AKAP13: variants seen among roughly 807,000 people sequenced by gnomAD.
AKAP13 encodes the protein A-kinase anchor protein 13.
Under a neutral mutation model 264.5 loss-of-function variants are expected in AKAP13, and 80 were observed. The observed-to-expected ratio is 0.30, with a 90% CI of 0.25 to 0.36. The LOEUF (loss-of-function observed/expected upper bound fraction) is 0.36, where lower values mean the gene tolerates loss of function less well. Among genes scored for constraint, AKAP13 ranks in the 10% least tolerant of loss-of-function variants. The pLI is 1.00. For missense variants in AKAP13, 3,712 were observed against 3,435.2 expected (o/e 1.08, Z -2.01); for synonymous variants, 1,380 against 1,250.2 (o/e 1.10, Z -2.19).
chr15:85,645,430 TAA>T (rs997356615), intron 9 of AKAP13, among the ~76,000 whole-genome samples: 6 of 152,200 alleles, frequency 3.9e-5, no homozygotes, highest in African/African-American at 1.2e-4. Flanking sequence ...TAGTTGCTAG[TAA>T]AAGACTTTGG....
intron 5 of AKAP13, among the ~76,000 whole-genome samples, chr15:85,547,546 A>T (rs768793766): frequency 1.3e-4 from 9 of 69,782 alleles, no homozygotes; most frequent in Middle Eastern, 5.4e-3. Flanking sequence ...TACTCAGGAC[A>T]TTTTTTTTAC....
intron 8 of AKAP13, among the ~76,000 whole-genome samples, chr15:85,599,281 A>G (rs2079951760): frequency 6.6e-6 from 1 of 152,236 alleles, no homozygotes; most frequent in Non-Finnish European, 1.5e-5. Flanking sequence ...AAGCTGTGAG[A>G]AGAAATATTG....
chr15:85,391,613 C>A lies in AKAP13; in HGVS notation c.-12+10815C>A, dbSNP rs549801066. Among the ~76,000 whole-genome samples the A allele has an allele frequency of 3.3e-5, 5 of 150,530 alleles. No homozygotes were observed. The South Asian group carries it at 1.1e-3, about 32-fold the overall frequency. ...GAGTCTCCCACCTTAGCCTCCCCAGCAGCTGGGACCACCGGTGTGCACCAC... is the reference window on the plus strand; with the variant it reads ...GAGTCTCCCACCTTAGCCTCCCCAGAAGCTGGGACCACCGGTGTGCACCAC... On this transcript the variant is annotated intron_variant, in intron 1 of 36. Coordinates refer to ENST00000394518, the MANE Select transcript of AKAP13 (RefSeq NM_007200.5).
At chr15:85,533,904 A>G (rs1214754694) in intron 4 of AKAP13, 24 bp downstream of exon 4, 27 of 1,534,382 alleles carry the variant, frequency 1.8e-5, no homozygotes, top group Non-Finnish European at 2.2e-5. Flanking sequence ...TGATCTACAA[A>G]CACACTTTAA....
intron 5 of AKAP13, among the ~76,000 whole-genome samples, chr15:85,561,080 A>G (rs911698095): frequency 3.1e-5 from 4 of 129,148 alleles, no homozygotes; most frequent in Non-Finnish European, 6.4e-5. Context: ...TTTTTTTAAG[A>G]CGGAGTTTGA....
At chr15:85,682,024 A>G in intron 14 of AKAP13, 134 bp from the exon 15 acceptor site, 4 of 749,790 alleles carry the variant, frequency 5.3e-6, no homozygotes, top group Non-Finnish European at 9.0e-6. Context: ...AAACCTTTAG[A>G]AGGAGGAGGT....
chr15:85,450,651 G>GT (rs1439759478), intron 1 of AKAP13, among the ~76,000 whole-genome samples: 4 of 152,056 alleles, frequency 2.6e-5, no homozygotes, highest in Non-Finnish European at 5.9e-5. Context: ...TATTTTCCAT[G>GT]TAATTGGATG....
At chr15:85,444,948 C>T (rs768161268) in intron 1 of AKAP13, among the ~76,000 whole-genome samples, 6 of 152,020 alleles carry the variant, frequency 3.9e-5, no homozygotes, top group Admixed American at 3.3e-4. Flanking sequence ...GGAATTAAGG[C>T]GGAAAGAAGT....
At chr15:85,607,168 G>C (rs1174538085) in intron 8 of AKAP13, among the ~76,000 whole-genome samples, 6 of 150,944 alleles carry the variant, frequency 4.0e-5, no homozygotes, top group Non-Finnish European at 7.4e-5. Flanking sequence ...ATACTTAGTA[G>C]TTCCTTTATT....
intron 10 of AKAP13, among the ~76,000 whole-genome samples, chr15:85,649,064 C>A (rs1055241488): frequency 2.0e-5 from 3 of 152,252 alleles, no homozygotes; most frequent in Non-Finnish European, 2.9e-5. Flanking sequence ...AAACCAAGGG[C>A]TGACTTACAA....
chr15:85,641,522 GT>G (rs2082311725), intron 9 of AKAP13, among the ~76,000 whole-genome samples: 1 of 150,532 alleles, frequency 6.6e-6, no homozygotes, highest in Non-Finnish European at 1.5e-5. Flanking sequence ...GTCTCGCTCT[GT>G]CGCCCAGGCT....
intron 10 of AKAP13, among the ~76,000 whole-genome samples, chr15:85,650,199 G>A (rs2082738904): frequency 6.6e-6 from 1 of 152,222 alleles, no homozygotes; most frequent in Non-Finnish European, 1.5e-5. Context: ...GGAGGCTGAA[G>A]TGGGAGGACT....
intron 1 of AKAP13, among the ~76,000 whole-genome samples, chr15:85,421,670 A>G (rs113171619): frequency 0.015 from 2,259 of 152,240 alleles, 63 homozygotes; most frequent in African/African-American, 0.051. Context: ...CCAGATTTTC[A>G]TAATATAATT....
In AKAP13 at chr15:85,655,622, C is replaced by T. The variant is rs2083059017; in HGVS notation, c.4580C>T (p.Pro1527Leu). 1 of 1,614,224 alleles carries T rather than the reference C, an allele frequency of 6.2e-7. No individual in the cohort carries two copies. Among genetic ancestry groups the T allele is most frequent in the Non-Finnish European group, 8.5e-7 (1 of 1,180,046 alleles). The stretch of plus-strand genomic sequence containing the variant: ...GAGGGTCGAGAAAGTGAGAGTGAGC[C>T]TGCTGACCCAGGCGACGTGGAGGAG... ...GAEGRESESE[P>L]ADPGDVEEEE... The change falls in exon 11 of 37, where the codon CCT becomes CTT. Residue 1527 changes from proline (P) to leucine (L), a missense_variant. By Grantham distance (98) the Pro-to-Leu change is moderately conservative. This residue lies in a region of AKAP13 where 2,759 missense variants were observed against 2,411.7 expected (regional missense o/e 1.14). Coordinates refer to ENST00000394518, the MANE Select transcript of AKAP13 (RefSeq NM_007200.5).
chr15:85,709,117 C>T (rs1366997905), intron 18 of AKAP13, among the ~76,000 whole-genome samples: 1 of 152,132 alleles, frequency 6.6e-6, no homozygotes, highest in Admixed American at 6.5e-5. Flanking sequence ...TAGTGCAGCT[C>T]TTTCAAAATC....
rs774520417 is a variant in AKAP13, at chr15:85,722,012, C to T, written c.6274C>T (p.Arg2092Cys). 5 of 1,614,084 alleles carry T rather than the reference C, an allele frequency of 3.1e-6. No individual in the cohort carries two copies. Among genetic ancestry groups the T allele is most frequent in the East Asian group, 2.2e-5 (1 of 44,882 alleles). Residue 2092 changes from arginine (R) to cysteine (C), a missense_variant, in exon 24 of 37, where the codon CGT becomes TGT. Around this residue, in one of 3 missense-constraint regions of AKAP13, gnomAD observed 342 missense variants for 484.3 expected, o/e 0.71. Coordinates refer to ENST00000394518, the MANE Select transcript of AKAP13 (RefSeq NM_007200.5). Reference protein sequence around the residue: ...VNQFSGENAERLKKTYGKFCG... With the variant: ...VNQFSGENAECLKKTYGKFCG... ...GCAGTTTTCAGGTGAGAATGCAGAA[C>T]GTTTAAAGAAGACATATGGCAAGTT...
At chr15:85,511,557 T>C (rs978736254) in intron 2 of AKAP13, among the ~76,000 whole-genome samples, 3 of 152,198 alleles carry the variant, frequency 2.0e-5, no homozygotes, top group Non-Finnish European at 4.4e-5. Flanking sequence ...GAGATACCCC[T>C]TTTTCTCTTA....
intron 1 of AKAP13, among the ~76,000 whole-genome samples, chr15:85,461,741 T>C (rs1237397158): frequency 6.6e-6 from 1 of 152,152 alleles, no homozygotes. Context: ...GCTTCAAATA[T>C]GTCATTTGCA....
chr15:85,575,830 A>G (rs976547055), intron 6 of AKAP13, among the ~76,000 whole-genome samples: 12 of 152,210 alleles, frequency 7.9e-5, no homozygotes, highest in African/African-American at 2.7e-4. Flanking sequence ...CTCTGGCTCT[A>G]CAGAAGTTAG....
Sources: gnomAD v4.1 joint callset for allele counts (sites outside exome capture counted in the v4.1 genomes callset) on GRCh38, gnomAD v4.1.1 for gene constraint, gnomAD v4.1.1 regional missense constraint, MANE v1.5 for transcripts, NCBI Gene and HGNC (gene_info 2026-07-23, HGNC 2026-07-21) for gene names.